The following HS3ST4 variants were observed in gnomAD, a reference collection of about 807,000 sequenced individuals.
HS3ST4 encodes heparan sulfate-glucosamine 3-sulfotransferase 4.
In HS3ST4, 17 loss-of-function variants were observed where a neutral mutation model predicts 29.2. The observed-to-expected ratio is 0.58, with a 90% CI of 0.40 to 0.87. The LOEUF (loss-of-function observed/expected upper bound fraction) is 0.87, where lower values mean the gene tolerates loss of function less well. Among genes scored for constraint, HS3ST4 ranks in the 40% least tolerant of loss-of-function variants. The probability of loss-of-function intolerance (pLI) is 0.00; values close to 1 mark genes in which losing one functional copy is unlikely to be tolerated. For synonymous variants in HS3ST4, 314 were observed against 285.7 expected (o/e 1.10, Z -1.00); for missense variants, 627 against 634.5 (o/e 0.99, Z 0.13).
chr16:25,853,979 TATC>T (rs1369396442), intron 1 of HS3ST4, among the ~76,000 whole-genome samples: 18 of 152,334 alleles, frequency 1.2e-4, no homozygotes, highest in African/African-American at 4.3e-4. Context: ...GTAGCTAACT[TATC>T]ATTGTTGAGA....
intron 1 of HS3ST4, among the ~76,000 whole-genome samples, chr16:25,730,721 CT>C (rs1966565591): frequency 2.0e-5 from 3 of 149,598 alleles, no homozygotes; most frequent in South Asian, 4.3e-4. Context: ...TCCTTCCTTC[CT>C]TCCTTCTCTC....
At chr16:26,113,470 ATGTGTGTGTGTG>A (rs55722050) in intron 1 of HS3ST4, among the ~76,000 whole-genome samples, 33 of 132,218 alleles carry the variant, frequency 2.5e-4, no homozygotes, top group Non-Finnish European at 4.6e-4. Flanking sequence ...ACAATATATG[ATGTGTGTGTGTG>A]TGTGTGTGTG....
chr16:25,894,152 A>G (rs1260470640), intron 1 of HS3ST4, among the ~76,000 whole-genome samples: 1 of 152,166 alleles, frequency 6.6e-6, no homozygotes, highest in Non-Finnish European at 1.5e-5. Context: ...ACATGGTTCC[A>G]TTGCCATTTT....
chr16:26,027,873 C>T (rs1463953211), intron 1 of HS3ST4, among the ~76,000 whole-genome samples: 1 of 152,178 alleles, frequency 6.6e-6, no homozygotes, highest in East Asian at 1.9e-4. Context: ...ACTCCATGGT[C>T]TTAACCCTTT....
At chr16:26,072,407 C>T (rs929668449) in intron 1 of HS3ST4, among the ~76,000 whole-genome samples, 4 of 152,096 alleles carry the variant, frequency 2.6e-5, no homozygotes, top group African/African-American at 7.2e-5. Flanking sequence ...CACGGAGCAT[C>T]AGAATTGGTA....
At chr16:26,037,460 A>C (rs73512499) in intron 1 of HS3ST4, among the ~76,000 whole-genome samples, 1,831 of 152,320 alleles carry the variant, frequency 0.012, 35 homozygotes, top group African/African-American at 0.039. Context: ...CGGAAAAAGC[A>C]ACTCAGAGTA....
intron 1 of HS3ST4, among the ~76,000 whole-genome samples, chr16:26,098,878 T>C (rs2141795229): frequency 6.6e-6 from 1 of 152,124 alleles, no homozygotes; most frequent in East Asian, 1.9e-4. Context: ...CTATTGAGAA[T>C]GAGCCACATG....
chr16:25,725,198 A>G (rs1236869517), intron 1 of HS3ST4, among the ~76,000 whole-genome samples: 6 of 152,106 alleles, frequency 3.9e-5, no homozygotes, highest in East Asian at 1.9e-4. Context: ...TTTCTGAAAG[A>G]TGATTTTTCA....
intron 1 of HS3ST4, among the ~76,000 whole-genome samples, chr16:25,751,594 G>A (rs1266357268): frequency 6.6e-6 from 1 of 152,158 alleles, no homozygotes; most frequent in Non-Finnish European, 1.5e-5. Context: ...ATGTCATCAT[G>A]TAGCTGAATA....
intron 1 of HS3ST4, among the ~76,000 whole-genome samples, chr16:25,846,809 A>G (rs1472781879): frequency 6.6e-6 from 1 of 152,076 alleles, no homozygotes; most frequent in Non-Finnish European, 1.5e-5. Flanking sequence ...TTCCCCCAAC[A>G]GTGGAGATGA....
chr16:26,099,768 A>G (rs1215912856), intron 1 of HS3ST4, among the ~76,000 whole-genome samples: 1 of 152,180 alleles, frequency 6.6e-6, no homozygotes, highest in Non-Finnish European at 1.5e-5. Context: ...GGCGTGGCAG[A>G]CAATATATAA....
chr16:26,105,773 TCTTA>T (rs1256209979), intron 1 of HS3ST4, among the ~76,000 whole-genome samples: 1 of 152,242 alleles, frequency 6.6e-6, no homozygotes, highest in Non-Finnish European at 1.5e-5. Context: ...GGGCTTGCTT[TCTTA>T]CTTCTGCATC....
chr16:25,771,822 G>T (rs1966842593), intron 1 of HS3ST4, among the ~76,000 whole-genome samples: 1 of 152,182 alleles, frequency 6.6e-6, no homozygotes. Flanking sequence ...TGTGTTCCTA[G>T]TGCCTTGGCT....
At chr16:25,891,919 A>T (rs867610154) in intron 1 of HS3ST4, among the ~76,000 whole-genome samples, 1 of 152,186 alleles carries the variant, frequency 6.6e-6, no homozygotes, top group Non-Finnish European at 1.5e-5. Flanking sequence ...TTCTTCATCT[A>T]TGAAATGGGA....
intron 1 of HS3ST4, among the ~76,000 whole-genome samples, chr16:25,871,758 C>T (rs1967754785): frequency 6.6e-6 from 1 of 152,170 alleles, no homozygotes; most frequent in Non-Finnish European, 1.5e-5. Flanking sequence ...AGCTATCTTT[C>T]TATCTTACTG....
intron 1 of HS3ST4, among the ~76,000 whole-genome samples, chr16:25,818,018 C>T (rs549898607): frequency 1.3e-5 from 2 of 152,308 alleles, no homozygotes; most frequent in East Asian, 1.9e-4. Flanking sequence ...ACCACTGTCT[C>T]GCGGCAAGCC....
At chr16:26,040,089 C>A (rs188166308) in intron 1 of HS3ST4, among the ~76,000 whole-genome samples, 6 of 152,192 alleles carry the variant, frequency 3.9e-5, no homozygotes, top group Middle Eastern at 3.2e-3. Context: ...TTCGCATGAA[C>A]GCACAATATT....
chr16:25,725,244 C>T (rs1334177397), intron 1 of HS3ST4, among the ~76,000 whole-genome samples: 1 of 152,068 alleles, frequency 6.6e-6, no homozygotes. Context: ...GCTTCCTGGT[C>T]ATCTCATTTA....
intron 1 of HS3ST4, among the ~76,000 whole-genome samples, chr16:26,034,463 G>C (rs955115605): frequency 1.3e-5 from 2 of 152,162 alleles, no homozygotes; most frequent in African/African-American, 4.8e-5. Flanking sequence ...CTGCTCTTAT[G>C]CTATGTGCCA....
Sources: gnomAD v4.1 joint callset for allele counts (sites outside exome capture counted in the v4.1 genomes callset) on GRCh38, gnomAD v4.1.1 for gene constraint, MANE v1.5 for transcripts, NCBI Gene and HGNC (gene_info 2026-07-23, HGNC 2026-07-21) for gene names.